The following ENPEP variants were observed in gnomAD, a reference collection of about 807,000 sequenced individuals.
ENPEP encodes the protein glutamyl aminopeptidase, also known as AP-A.
Under a neutral mutation model 114.5 loss-of-function variants are expected in ENPEP, and 103 were observed. The ratio of observed to expected loss-of-function variants is 0.90; its 90% CI spans 0.77 to 1.06. The LOEUF (loss-of-function observed/expected upper bound fraction) is 1.06, where lower values mean the gene tolerates loss of function less well. ENPEP is among the 50% of genes least tolerant of loss of function. The probability of loss-of-function intolerance (pLI) is 0.00; values close to 1 mark genes in which losing one functional copy is unlikely to be tolerated. For synonymous variants in ENPEP, 420 were observed against 422.0 expected (o/e 1.00, Z 0.06); for missense variants, 1,196 against 1,161.3 (o/e 1.03, Z -0.43).
Position 110,531,190 on chromosome 4 carries a change from A to T in ENPEP, c.1728-8A>T. On this transcript the variant is annotated splice_region_variant and splice_polypyrimidine_tract_variant and intron_variant, in intron 10 of 19. Transcript: ENST00000265162. ...AAAGTTAAATTTTTCTTTTTAAAAA[A>T]ATTTTAGTTATACATGGAATATCCC... 2 of 1,430,454 alleles carry T rather than the reference A, an allele frequency of 1.4e-6. No homozygotes were observed. Among genetic ancestry groups the T allele is most frequent in the African/African-American group, 1.4e-5 (1 of 69,118 alleles). The allele number at this position is 1,430,454 out of a possible 1,614,324, so 88.6% of individuals were successfully genotyped here. A position where few individuals can be genotyped will look rare whatever the true frequency, so the allele number is the denominator to read the frequency against.
At chr4:110,530,195 C>T (rs1726358342) in intron 10 of ENPEP, among the ~76,000 whole-genome samples, 1 of 152,156 alleles carries the variant, frequency 6.6e-6, no homozygotes, top group African/African-American at 2.4e-5. Flanking sequence ...TAGCCAAAAA[C>T]ATTCCACTGC....
At chr4:110,503,406 A>G (rs192762232) in intron 3 of ENPEP, among the ~76,000 whole-genome samples, 2 of 152,068 alleles carry the variant, frequency 1.3e-5, no homozygotes, top group African/African-American at 4.8e-5. Flanking sequence ...TCTTTCTTAT[A>G]ACGGTTATTT....
chr4:110,510,196 T>C lies in ENPEP; in HGVS notation c.1195-49T>C, dbSNP rs1005073634. 2.7e-6 allele frequency: 4 copies of C among 1,492,230 alleles called. No individual in the cohort carries two copies. In the African/African-American group the frequency reaches 5.5e-5, roughly 21 times the overall value. 92.4% of individuals were successfully genotyped at this position (1,492,230 alleles called of 1,614,324 possible). A position where few individuals can be genotyped will look rare whatever the true frequency, so the allele number is the denominator to read the frequency against. The stretch of plus-strand genomic sequence containing the variant: ...TGTTTTGACATTTTCTAGGCCTCTC[T>C]ACCATACCCATAAGAATGTAATTAT... On this transcript the variant is annotated intron_variant, in intron 5 of 19. Transcript: ENST00000265162.
intron 18 of ENPEP, among the ~76,000 whole-genome samples, chr4:110,555,682 G>A (rs1178429789): frequency 6.6e-6 from 1 of 151,966 alleles, no homozygotes; most frequent in Non-Finnish European, 1.5e-5. Flanking sequence ...AAGTCATTAG[G>A]ACATGATTGA....
At chr4:110,484,739 A>G (rs1324480157) in intron 1 of ENPEP, among the ~76,000 whole-genome samples, 2 of 140,006 alleles carry the variant, frequency 1.4e-5, no homozygotes, top group East Asian at 3.9e-4. Context: ...TATATTATAT[A>G]TATTATATTA....
chr4:110,563,827 A>G lies in ENPEP; in HGVS notation c.*2269A>G, dbSNP rs912654811. ...TAATTATAAATTAGGAGTTTAAATA[A>G]TAAAACATAGACGTAAAACTGACAG... On this transcript the variant is annotated 3_prime_UTR_variant, in exon 20 of 20. Coordinates refer to ENST00000265162, the MANE Select transcript of ENPEP (RefSeq NM_001977.4). The G allele has an allele frequency of 2.0e-5, 3 of 152,174 alleles. No individual in the cohort carries two copies. Among genetic ancestry groups the G allele is most frequent in the East Asian group, 3.8e-4 (2 of 5,204 alleles). 9.4% of individuals were successfully genotyped at this position (152,174 alleles called of 1,614,324 possible). A position where few individuals can be genotyped will look rare whatever the true frequency, so the allele number is the denominator to read the frequency against.
intron 4 of ENPEP, among the ~76,000 whole-genome samples, chr4:110,508,086 T>C (rs1319296245): frequency 6.6e-6 from 1 of 152,040 alleles, no homozygotes; most frequent in Non-Finnish European, 1.5e-5. Flanking sequence ...TCTCACAAAT[T>C]TATTACTCTC....
At chr4:110,550,019 A>C in intron 17 of ENPEP, 133 bp downstream of exon 17, 1 of 862,526 alleles carries the variant, frequency 1.2e-6, no homozygotes, top group East Asian at 2.7e-5. Context: ...TCCCTGCAAG[A>C]AACAAAATAT....
chr4:110,539,704 A>G (rs1199729122), intron 11 of ENPEP, among the ~76,000 whole-genome samples: 1 of 152,100 alleles, frequency 6.6e-6, no homozygotes, highest in Non-Finnish European at 1.5e-5. Context: ...CTCTTTTACT[A>G]TCAAATGATA....
chr4:110,508,339 C>T (rs1366914382), intron 4 of ENPEP, among the ~76,000 whole-genome samples: 1 of 151,536 alleles, frequency 6.6e-6, no homozygotes, highest in African/African-American at 2.4e-5. Context: ...AAACTGCACT[C>T]CACAACATTA....
chr4:110,538,890 A>G (rs577788995), intron 11 of ENPEP, among the ~76,000 whole-genome samples: 3 of 151,888 alleles, frequency 2.0e-5, no homozygotes, highest in South Asian at 2.1e-4. Flanking sequence ...GAGAGAGAGA[A>G]AGAGAAAGAT....
At chr4:110,488,855 G>A (rs1161479879) in intron 2 of ENPEP, among the ~76,000 whole-genome samples, 173 bp downstream of exon 2, 1 of 152,162 alleles carries the variant, frequency 6.6e-6, no homozygotes, top group East Asian at 1.9e-4. Context: ...AGTCCTAGAA[G>A]TCTGTAAGGT....
chr4:110,555,058 A>C (rs565715673), intron 18 of ENPEP, among the ~76,000 whole-genome samples: 1 of 152,060 alleles, frequency 6.6e-6, no homozygotes, highest in Non-Finnish European at 1.5e-5. Context: ...CTGGCCTTAA[A>C]ATAAATGTAT....
At chr4:110,550,509 T>C (rs1727246918) in intron 17 of ENPEP, among the ~76,000 whole-genome samples, 3 of 152,102 alleles carry the variant, frequency 2.0e-5, no homozygotes, top group Admixed American at 2.0e-4. Context: ...AACTGGGCTC[T>C]GTGAGTAGAG....
At chr4:110,548,386 T>C (rs941774589) in intron 14 of ENPEP, 60 bp downstream of exon 14, 69 of 1,367,802 alleles carry the variant, frequency 5.0e-5, no homozygotes, top group Middle Eastern at 2.2e-4. Context: ...TAGAATAGGA[T>C]GCTTTCTGAG....
intron 3 of ENPEP, among the ~76,000 whole-genome samples, chr4:110,493,121 C>T (rs1560553007): frequency 6.6e-6 from 1 of 152,144 alleles, no homozygotes; most frequent in South Asian, 2.1e-4. Context: ...GACTCTATCA[C>T]CAGGTCCTCT....
chr4:110,540,294 TAC>T (rs376994725), intron 11 of ENPEP, among the ~76,000 whole-genome samples: 5 of 151,388 alleles, frequency 3.3e-5, no homozygotes, highest in Admixed American at 6.6e-5. Flanking sequence ...ATATAGAAGA[TAC>T]ACACACACAC....
Position 110,534,504 on chromosome 4 carries a change from CTTTTTTTTT to C in ENPEP, c.1807+3239_1807+3247del, listed in dbSNP as rs71595561. Among the ~76,000 whole-genome samples the C allele has an allele frequency of 2.3e-4, 12 of 52,300 alleles. No individual in the cohort carries two copies. In the East Asian group the frequency reaches 5.7e-3, roughly 25 times the overall value. 34.3% of individuals were successfully genotyped at this position (52,300 alleles called of 152,430 possible). On this transcript the variant is annotated intron_variant, in intron 11 of 19. Coordinates refer to ENST00000265162, the MANE Select transcript of ENPEP (RefSeq NM_001977.4). Reference sequence around the variant, plus strand: ...CATATGTTCTCTCTTTTCGTTGTTTCTTTTTTTTTTTTTTTTTTTTGGGACAGAGTTTTG... The same window carrying C: ...CATATGTTCTCTCTTTTCGTTGTTTCTTTTTTTTTTTGGGACAGAGTTTTG...
At chr4:110,491,255 A>C in intron 3 of ENPEP, 91 bp downstream of exon 3, 1 of 1,149,396 alleles carries the variant, frequency 8.7e-7, no homozygotes, top group Non-Finnish European at 1.2e-6. Context: ...TTTTTTTTCA[A>C]ACAACATGCC....
Sources: gnomAD v4.1 joint callset for allele counts (sites outside exome capture counted in the v4.1 genomes callset) on GRCh38, gnomAD v4.1.1 for gene constraint, MANE v1.5 for transcripts, NCBI Gene and HGNC (gene_info 2026-07-23, HGNC 2026-07-21) for gene names.